Variants in KIRREL1 observed in about 807,000 individuals in gnomAD.
KIRREL1 encodes kin of IRRE-like protein 1.
KIRREL1 carries 25 observed loss-of-function variants against 83.3 expected under a neutral mutation model. The observed-to-expected ratio is 0.30, with a 90% CI of 0.22 to 0.42. The LOEUF (loss-of-function observed/expected upper bound fraction) is 0.42, where lower values mean the gene tolerates loss of function less well. Among genes scored for constraint, KIRREL1 ranks in the 10% least tolerant of loss-of-function variants. The pLI is 1.00. For missense variants in KIRREL1, 812 were observed against 1,032.3 expected, an observed-to-expected ratio of 0.79 and a Z score of 2.92; for synonymous variants, 388 against 410.4, an observed-to-expected ratio of 0.95 and a Z score of 0.66.
chr1:158,041,029 A>G (rs938333137), intron 1 of KIRREL1, among the ~76,000 whole-genome samples: 4 of 152,218 alleles, frequency 2.6e-5, no homozygotes, highest in South Asian at 2.1e-4. Context: ...ATGTGCATCC[A>G]GGAGAAACTA....
At chr1:158,081,222 C>T (rs951649709) in intron 3 of KIRREL1, among the ~76,000 whole-genome samples, 1 of 97,680 alleles carries the variant, frequency 1.0e-5, no homozygotes, top group African/African-American at 3.5e-5. Context: ...TAGCTCTGCC[C>T]TCTAACTCAC....
At chr1:158,059,066 C>T (rs1661143618) in intron 1 of KIRREL1, among the ~76,000 whole-genome samples, 1 of 152,080 alleles carries the variant, frequency 6.6e-6, no homozygotes, top group African/African-American at 2.4e-5. Flanking sequence ...TACACAGCAC[C>T]CTTCCCACTG....
chr1:158,096,094 G>A lies in KIRREL1; in HGVS notation c.*974G>A, dbSNP rs549634494. 20 of 155,704 alleles carry A rather than the reference G, an allele frequency of 1.3e-4. No individual in the cohort carries two copies. Among genetic ancestry groups the A allele is most frequent in the South Asian group, 3.9e-4 (2 of 5,100 alleles). 9.6% of individuals were successfully genotyped at this position (155,704 alleles called of 1,614,324 possible). A position where few individuals can be genotyped will look rare whatever the true frequency, so the allele number is the denominator to read the frequency against. ...AAAACCTCATTTGGGAAGAAAAGCT[G>A]TAGGGATTCCCCCACCCAAATACAA... On this transcript the variant is annotated 3_prime_UTR_variant, in exon 15 of 15. Transcript: ENST00000359209.
intron 1 of KIRREL1, among the ~76,000 whole-genome samples, chr1:158,015,978 A>T (rs1659814123): frequency 6.6e-6 from 1 of 152,170 alleles, no homozygotes; most frequent in Non-Finnish European, 1.5e-5. Flanking sequence ...TTGAGTTAAG[A>T]TCTATAAAAC....
At chr1:158,058,917 G>A (rs971986646) in intron 1 of KIRREL1, among the ~76,000 whole-genome samples, 5 of 152,150 alleles carry the variant, frequency 3.3e-5, no homozygotes, top group African/African-American at 9.7e-5. Context: ...CCCAGACGCC[G>A]CAGCCGACAT....
At chr1:158,001,165 T>C (rs1345552613) in intron 1 of KIRREL1, among the ~76,000 whole-genome samples, 1 of 152,186 alleles carries the variant, frequency 6.6e-6, no homozygotes, top group Admixed American at 6.5e-5. Context: ...GAGGAATATA[T>C]CTTCACTGAA....
chr1:158,096,470 A>T lies in KIRREL1; in HGVS notation c.*1350A>T. ...ACCCTATGTGGGCGGTTGTGTGGGG[A>T]GTGGGTACTTGTGAGCCTCGGACAC... On this transcript the variant is annotated 3_prime_UTR_variant, in exon 15 of 15. Coordinates refer to ENST00000359209, the MANE Select transcript of KIRREL1 (RefSeq NM_018240.7). The T allele has an allele frequency of 2.5e-6, 1 of 399,994 alleles. No individual in the cohort carries two copies. Among genetic ancestry groups the T allele is most frequent in the Non-Finnish European group, 5.1e-6 (1 of 197,578 alleles). The allele number at this position is 399,994 out of a possible 1,614,324, so 24.8% of individuals were successfully genotyped here. A position where few individuals can be genotyped will look rare whatever the true frequency, so the allele number is the denominator to read the frequency against.
Position 158,094,832 on chromosome 1 carries a change from C to T in KIRREL1, c.1986C>T (p.Gly662=), listed in dbSNP as rs1662309594. Residue 662 remains glycine, a synonymous_variant, in exon 15 of 15, where the codon GGC becomes GGT. Transcript: ENST00000359209. This position sits in a 1 kb window ranked among gnomAD's most constrained non-coding sequence, Gnocchi z 4.6. The part of the protein sequence containing the change: ...TYSRGPASDY[G]PEPTPPGPAA... The stretch of plus-strand genomic sequence containing the variant: ...GCCGGGGCCCTGCCTCTGACTATGG[C>T]CCTGAGCCCACACCCCCTGGCCCTG... 6.2e-7 allele frequency: 1 copy of T among 1,613,836 alleles called. No individual in the cohort carries two copies.
chr1:158,086,837 AAG>A, intron 5 of KIRREL1, 91 bp downstream of exon 5: 1 of 1,217,128 alleles, frequency 8.2e-7, no homozygotes, highest in East Asian at 2.5e-5. Context: ...AACACAAACT[AAG>A]AGTCCCCCTA....
chr1:157,995,691 G>T (rs1659176210), intron 1 of KIRREL1, among the ~76,000 whole-genome samples: 1 of 152,176 alleles, frequency 6.6e-6, no homozygotes, highest in Non-Finnish European at 1.5e-5. Context: ...ATTGTGTGTT[G>T]TGTGCCTTTC....
intron 1 of KIRREL1, among the ~76,000 whole-genome samples, chr1:158,052,622 A>C (rs1179053317): frequency 1.4e-5 from 2 of 147,020 alleles, no homozygotes; most frequent in Admixed American, 6.7e-5. Context: ...TACTAAAAAT[A>C]CAAAAAAAAA....
chr1:158,087,656 T>C (rs768065011), intron 5 of KIRREL1, 99 bp from the exon 6 acceptor site: 13 of 770,260 alleles, frequency 1.7e-5, no homozygotes, highest in Non-Finnish European at 2.7e-5. Flanking sequence ...AATTCCTAGA[T>C]CCCCGCCAGA....
chr1:158,092,088 G>T (rs1662213392), intron 11 of KIRREL1, among the ~76,000 whole-genome samples: 1 of 152,140 alleles, frequency 6.6e-6, no homozygotes, highest in Non-Finnish European at 1.5e-5. Context: ...AAAATGCCTG[G>T]CATACAATAG....
intron 1 of KIRREL1, among the ~76,000 whole-genome samples, chr1:158,026,035 G>T (rs1175054843): frequency 1.3e-5 from 2 of 152,074 alleles, no homozygotes; most frequent in African/African-American, 4.8e-5. Context: ...GCCAGTCCTG[G>T]TGGGGTGGTG....
chr1:158,003,690 G>A (rs1400934286), intron 1 of KIRREL1, among the ~76,000 whole-genome samples: 1 of 152,132 alleles, frequency 6.6e-6, no homozygotes, highest in Non-Finnish European at 1.5e-5. Context: ...CTATCACACA[G>A]CACACATCTG....
intron 1 of KIRREL1, among the ~76,000 whole-genome samples, chr1:158,015,215 A>G (rs1397532764): frequency 6.6e-6 from 1 of 152,192 alleles, no homozygotes; most frequent in Non-Finnish European, 1.5e-5. Context: ...CTCCTAAGAA[A>G]CTGTGAGTAT....
At chr1:158,085,668 T>C (rs1244610489) in intron 4 of KIRREL1, among the ~76,000 whole-genome samples, 1 of 152,212 alleles carries the variant, frequency 6.6e-6, no homozygotes, top group African/African-American at 2.4e-5. Context: ...CAACTGGGCC[T>C]GTCCAGCAAA....
chr1:158,006,712 A>G (rs1488165637), intron 1 of KIRREL1, among the ~76,000 whole-genome samples: 1 of 152,136 alleles, frequency 6.6e-6, no homozygotes, highest in African/African-American at 2.4e-5. Flanking sequence ...TGGGGGCTGG[A>G]GGACTCTGGT....
At chr1:158,063,098 C>A (rs1661257847) in intron 1 of KIRREL1, among the ~76,000 whole-genome samples, 1 of 152,204 alleles carries the variant, frequency 6.6e-6, no homozygotes, top group East Asian at 1.9e-4. Context: ...AGTTCTCTGG[C>A]TGTCGAAATA....
Sources: gnomAD v4.1 joint callset for allele counts (sites outside exome capture counted in the v4.1 genomes callset) on GRCh38, gnomAD v4.1.1 for gene constraint, Gnocchi (gnomAD v3.1) non-coding constraint, MANE v1.5 for transcripts, NCBI Gene and HGNC (gene_info 2026-07-23, HGNC 2026-07-21) for gene names.